The following CELF2 variants were observed in gnomAD, a reference collection of about 807,000 sequenced individuals.
CELF2 encodes the protein CUGBP Elav-like family member 2.
Under a neutral mutation model 62.6 loss-of-function variants are expected in CELF2, and 8 were observed. That is an observed-to-expected ratio of 0.13 (90% CI 0.07 to 0.23). The LOEUF is 0.23. Ranked by LOEUF, CELF2 falls within the 10% of genes least tolerant of loss-of-function variation. The pLI, the probability that CELF2 is intolerant of heterozygous loss-of-function variation, is 1.00. For missense variants in CELF2, 333 were observed against 671.0 expected, an observed-to-expected ratio of 0.50 and a Z score of 5.56; for synonymous variants, 258 against 250.0, an observed-to-expected ratio of 1.03 and a Z score of -0.30.
In CELF2 at chr10:11,257,508, A is replaced by G. The variant is rs972915444; in HGVS notation, c.404-230A>G. ...ATTACATGTCATATTAAAACATTTT[A>G]TTAGTAAGCACAAGCACACGGGGAG... On this transcript the variant is annotated intron_variant, in intron 4 of 12. Coordinates refer to ENST00000633077, the MANE Select transcript of CELF2 (RefSeq NM_001326342.2). 1.3e-5 allele frequency: 6 copies of G among 472,862 alleles called. No individual in the cohort carries two copies. The Admixed American group carries it at 1.7e-4, about 13-fold the overall frequency. 29.3% of individuals were successfully genotyped at this position (472,862 alleles called of 1,614,324 possible). A position where few individuals can be genotyped will look rare whatever the true frequency, so the allele number is the denominator to read the frequency against.
At chr10:11,074,009 G>A (rs1292756562) in intron 1 of CELF2, among the ~76,000 whole-genome samples, 6 of 152,114 alleles carry the variant, frequency 3.9e-5, no homozygotes, top group East Asian at 1.9e-4. Flanking sequence ...TCTAGCCTCC[G>A]TGCCACAGCC....
intron 1 of CELF2, among the ~76,000 whole-genome samples, chr10:10,836,667 A>C (rs183926203): frequency 2.9e-3 from 443 of 152,188 alleles, no homozygotes; most frequent in Non-Finnish European, 4.0e-3. Flanking sequence ...TTTGAGATGG[A>C]GTCTCTCGCC....
Position 11,305,755 on chromosome 10 carries a change from G to A in CELF2, c.977-8384G>A, listed in dbSNP as rs1448055994. On this transcript the variant is annotated intron_variant, in intron 9 of 12. Coordinates refer to ENST00000633077, the MANE Select transcript of CELF2 (RefSeq NM_001326342.2). This position sits in a 1 kb window ranked among gnomAD's most constrained non-coding sequence, Gnocchi z 4.8. ...GCTCTAAGGAGAAGGAACCCATCCCGTCCCCTCAGTTGGGATTAGTGTTTG... is the reference window on the plus strand; with the variant it reads ...GCTCTAAGGAGAAGGAACCCATCCCATCCCCTCAGTTGGGATTAGTGTTTG... 9.2e-5 allele frequency among the ~76,000 whole-genome samples: 14 copies of A among 152,174 alleles called. No individual in the cohort carries two copies. In the South Asian group the frequency reaches 2.1e-3, roughly 23 times the overall value.
At chr10:10,585,026 TA>T in the CELF2 span, among the ~76,000 whole-genome samples, 1 of 152,086 alleles carries the variant, frequency 6.6e-6, no homozygotes, top group African/African-American at 2.4e-5. Flanking sequence ...TAGCAAGAAT[TA>T]AAGAGAATTT....
the CELF2 span, among the ~76,000 whole-genome samples, chr10:10,600,545 A>T: frequency 6.6e-6 from 1 of 152,214 alleles, no homozygotes; most frequent in African/African-American, 2.4e-5. Context: ...TGGCAGAGGA[A>T]GCATAAAATC....
At chr10:10,845,285 A>C (rs1015639772) in intron 1 of CELF2, among the ~76,000 whole-genome samples, 2 of 151,990 alleles carry the variant, frequency 1.3e-5, no homozygotes, top group African/African-American at 4.8e-5. Flanking sequence ...GAAAGAAAGA[A>C]AATGCAGTCT....
intron 1 of CELF2, among the ~76,000 whole-genome samples, chr10:11,042,340 A>C (rs148424354): frequency 1.3e-5 from 2 of 152,336 alleles, no homozygotes; most frequent in Non-Finnish European, 2.9e-5. Flanking sequence ...CAAAGGTGGA[A>C]ATGAGAGTAC....
At chr10:10,574,514 A>G in the CELF2 span, among the ~76,000 whole-genome samples, 36 of 152,288 alleles carry the variant, frequency 2.4e-4, no homozygotes, top group Non-Finnish European at 1.3e-4. Context: ...CAAGGGATAA[A>G]TTTTTAATTC....
At chr10:10,751,502 C>T in the CELF2 span, among the ~76,000 whole-genome samples, 2 of 152,218 alleles carry the variant, frequency 1.3e-5, no homozygotes, top group Non-Finnish European at 2.9e-5. Context: ...ACATGCCAGC[C>T]ATGTTGTAAT....
the CELF2 span, among the ~76,000 whole-genome samples, chr10:10,470,798 A>G: frequency 6.6e-6 from 1 of 150,814 alleles, no homozygotes; most frequent in African/African-American, 2.4e-5. Flanking sequence ...GCCATCTAGT[A>G]TTGCATATTT....
the CELF2 span, among the ~76,000 whole-genome samples, chr10:10,531,210 A>C: frequency 6.6e-6 from 1 of 152,212 alleles, no homozygotes; most frequent in African/African-American, 2.4e-5. Flanking sequence ...TTAAAACCAC[A>C]GTTTCTCAAG....
At position 10,995,965 on chromosome 10, in the gene CELF2, G is replaced by A. The variant is rs2053904368; in HGVS notation, c.89+75966G>A. The stretch of plus-strand genomic sequence containing the variant: ...ATCTGGGTGCTGACTGCATGGGTAT[G>A]TTCAGTCTGTGAATATTCCATGAGC... On this transcript the variant is annotated intron_variant, in intron 2 of 13. Transcript: ENST00000636488. The surrounding 1 kb of genome is among the most constrained non-coding windows in gnomAD (Gnocchi z 4.7). 6.6e-6 allele frequency among the ~76,000 whole-genome samples: 1 copy of A among 152,182 alleles called. No individual in the cohort carries two copies. Among genetic ancestry groups the A allele is most frequent in the Non-Finnish European group, 1.5e-5 (1 of 68,038 alleles).
In CELF2 at chr10:11,300,997, G is replaced by GT. The variant is rs2093663686; in HGVS notation, c.976+12446dup. 6.6e-6 allele frequency among the ~76,000 whole-genome samples: 1 copy of GT among 152,186 alleles called. No individual in the cohort carries two copies. The highest frequency in any genetic ancestry group is 1.5e-5 in the Non-Finnish European group (1 of 68,030). ...AAAAGTATTTTGCTATCCAGGAAGA[G>GT]TGGGGAGTAGGGTTAATATGAGAAC... On this transcript the variant is annotated intron_variant, in intron 9 of 12. Coordinates refer to ENST00000633077, the MANE Select transcript of CELF2 (RefSeq NM_001326342.2). The surrounding 1 kb of genome is among the most constrained non-coding windows in gnomAD (Gnocchi z 5.5).
chr10:10,464,195 T>C, the CELF2 span, among the ~76,000 whole-genome samples: 2 of 152,148 alleles, frequency 1.3e-5, no homozygotes, highest in Admixed American at 1.3e-4. Flanking sequence ...GTGTCAATTG[T>C]TAGAATAATT....
rs1316216163 is a variant in CELF2 at position 11,328,631 on chromosome 10, G to C, written c.1439-295G>C. Among the ~76,000 whole-genome samples the C allele has an allele frequency of 6.6e-6, 1 of 152,372 alleles. No homozygotes were observed. Among genetic ancestry groups the C allele is most frequent in the East Asian group, 1.9e-4 (1 of 5,188 alleles). On this transcript the variant is annotated intron_variant, in intron 12 of 12. Coordinates refer to ENST00000633077, the MANE Select transcript of CELF2 (RefSeq NM_001326342.2). This position sits in a 1 kb window ranked among gnomAD's most constrained non-coding sequence, Gnocchi z 6.4. ...AAACACAATGATTTGAGCGAGTTCA[G>C]TAAGTGGAACTGAATTCAGCCAAAC...
chr10:10,490,079 G>A, the CELF2 span, among the ~76,000 whole-genome samples: 2 of 134,726 alleles, frequency 1.5e-5, no homozygotes. Flanking sequence ...AAATTCTCTG[G>A]AATGTCATGG....
rs2096042393 is a variant in CELF2, at chr10:11,332,323, T to TAATA, written c.*3271_*3274dup. ...TTTCTGTTTCCTAAATACTCCTAAA[T>TAATA]AATATTTCTAATCAGCCATTATGCT... is the stretch of plus-strand genomic sequence containing the variant. On this transcript the variant is annotated 3_prime_UTR_variant, in exon 13 of 13. Coordinates refer to ENST00000633077, the MANE Select transcript of CELF2 (RefSeq NM_001326342.2). The TAATA allele has an allele frequency of 6.6e-6, 1 of 152,244 alleles. No homozygotes were observed. The highest frequency in any genetic ancestry group is 2.4e-5 in the African/African-American group (1 of 41,456). The allele number at this position is 152,244 out of a possible 1,614,324, so 9.4% of individuals were successfully genotyped here.
At chr10:10,655,790 A>G in the CELF2 span, among the ~76,000 whole-genome samples, 3 of 135,270 alleles carry the variant, frequency 2.2e-5, no homozygotes, top group Admixed American at 7.5e-5. Flanking sequence ...CCTAGGCATT[A>G]CCATTCAGGA....
At chr10:10,915,639 G>T (rs2064258616) in intron 1 of CELF2, among the ~76,000 whole-genome samples, 1 of 151,866 alleles carries the variant, frequency 6.6e-6, no homozygotes, top group African/African-American at 2.4e-5. Context: ...ATTGCTATGT[G>T]GCCTAGACTG....
Sources: allele counts gnomAD v4.1 joint callset (sites outside exome capture counted in the v4.1 genomes callset), GRCh38; gene constraint gnomAD v4.1.1; non-coding constraint Gnocchi (gnomAD v3.1); transcripts MANE v1.5; gene names NCBI Gene and HGNC (gene_info 2026-07-23, HGNC 2026-07-21).